DEGS2: variants seen among roughly 807,000 people sequenced by gnomAD.
The protein encoded by DEGS2 is delta 4-desaturase, sphingolipid 2, also known as sphingolipid delta(4)-desaturase/C4-monooxygenase DES2.
DEGS2 carries 19 observed loss-of-function variants against 23.8 expected under a neutral mutation model. That is an observed-to-expected ratio of 0.80 (90% confidence interval 0.56 to 1.17). DEGS2 has a LOEUF of 1.17. Ranked by LOEUF, DEGS2 falls within the 50% of genes most tolerant of loss-of-function variation. DEGS2 has a pLI of 0.00. For synonymous variants in DEGS2, 218 were observed against 213.7 expected (o/e 1.02, Z -0.18); for missense variants, 390 against 459.5 (o/e 0.85, Z 1.38).
At chr14:100,164,143 G>A (rs904427463), upstream of DEGS2, among the ~76,000 whole-genome samples, 143 of 151,974 alleles carry the variant, frequency 9.4e-4, no homozygotes, top group African/African-American at 3.3e-3. Flanking sequence ...ATGTTCCCCA[G>A]GCTGGTCTGG....
Position 100,149,237 on chromosome 14 carries a change from C to T in DEGS2, c.556G>A (p.Glu186Lys). The T allele has an allele frequency of 2.5e-6, 4 of 1,612,816 alleles. No homozygotes were observed. The highest frequency in any genetic ancestry group is 3.4e-6 in the Non-Finnish European group (4 of 1,179,898). Reference protein sequence around the residue: ...CVHPKAVTRMEVLNTLVQLAA... With the variant: ...CVHPKAVTRMKVLNTLVQLAA... ...AGCTGCACCAGCGTGTTGAGCACCT[C>T]CATGCGGGTCACGGCCTTGGGGTGG... is the stretch of plus-strand genomic sequence containing the variant. Residue 186 changes from glutamate to lysine, a missense_variant, in exon 2 of 3, where the codon GAG (glutamate) becomes AAG (lysine). Transcript: ENST00000305631.
chr14:100,149,781 G>T, intron 1 of DEGS2, 71 bp from the exon 2 acceptor site: 5 of 1,476,090 alleles, frequency 3.4e-6, no homozygotes, highest in Non-Finnish European at 4.6e-6. Flanking sequence ...CGCTCCCACT[G>T]CAGTGGCCGA....
chr14:100,158,136 T>TCATGGCC (rs1293824145), intron 1 of DEGS2, among the ~76,000 whole-genome samples: 1 of 147,398 alleles, frequency 6.8e-6, no homozygotes, highest in Admixed American at 6.7e-5. Flanking sequence ...GCGTGGTGGC[T>TCATGGCC]CATGGCCCAT....
At chr14:100,148,548 TGCGAAGGGCAAG>T (rs1181935748) in intron 2 of DEGS2, among the ~76,000 whole-genome samples, 1 of 152,162 alleles carries the variant, frequency 6.6e-6, no homozygotes, top group Non-Finnish European at 1.5e-5. Context: ...CCCCTTGGGC[TGCGAAGGGCAAG>T]GCCCACCCTG....
At chr14:100,165,591 G>C in the DEGS2 span, among the ~76,000 whole-genome samples, 1 of 152,222 alleles carries the variant, frequency 6.6e-6, no homozygotes, top group African/African-American at 2.4e-5. Context: ...GGCCGCGGAC[G>C]GGCGGTGCCC....
the DEGS2 span, among the ~76,000 whole-genome samples, chr14:100,166,465 G>A: frequency 1.3e-5 from 2 of 152,052 alleles, no homozygotes; most frequent in African/African-American, 2.4e-5. Flanking sequence ...CTACCCTCAG[G>A]ACCAGGGGCA....
intron 1 of DEGS2, among the ~76,000 whole-genome samples, chr14:100,156,654 C>T (rs538828391): frequency 6.6e-6 from 1 of 152,282 alleles, no homozygotes; most frequent in Admixed American, 6.5e-5. Flanking sequence ...CCCAAAGAGC[C>T]CAGAGCCCAG....
the DEGS2 span, among the ~76,000 whole-genome samples, chr14:100,165,221 A>G: frequency 6.6e-6 from 1 of 152,128 alleles, no homozygotes; most frequent in Admixed American, 6.5e-5. Flanking sequence ...GGTATCAGAC[A>G]ACTCCGGACA....
intron 1 of DEGS2, among the ~76,000 whole-genome samples, chr14:100,153,269 AG>A (rs1889604938): frequency 1.2e-5 from 1 of 80,712 alleles, no homozygotes; most frequent in Non-Finnish European, 2.8e-5. Flanking sequence ...ATAGATAGAT[AG>A]ATAGATAGAT....
intron 1 of DEGS2, among the ~76,000 whole-genome samples, chr14:100,152,572 C>T (rs1344839070): frequency 6.6e-6 from 1 of 152,206 alleles, no homozygotes; most frequent in Non-Finnish European, 1.5e-5. Flanking sequence ...CCATCCTTCT[C>T]TACTTCTCCC....
Position 100,149,144 on chromosome 14 carries a change from A to G in DEGS2, c.649T>C (p.Phe217Leu), listed in dbSNP as rs1183175337. 1 of 1,613,002 alleles carries G rather than the reference A, an allele frequency of 6.2e-7. No individual in the cohort carries two copies. Among genetic ancestry groups the G allele is most frequent in the African/African-American group, 1.3e-5 (1 of 75,078 alleles). Residue 217 changes from phenylalanine to leucine, a missense_variant, in exon 2 of 3, where the codon TTC (phenylalanine) becomes CTC (leucine). Phe to Leu is a conservative substitution (Grantham distance 22). Coordinates refer to ENST00000305631, the MANE Select transcript of DEGS2 (RefSeq NM_206918.3). ...KPVVYLLASS[F>L]LGLGLHPISG... Reference sequence around the variant, plus strand: ...ATGGGGTGCAGGCCCAGGCCCAGGAAGGAGCTGGCCAGCAGGTAGACCACG... The same window carrying G: ...ATGGGGTGCAGGCCCAGGCCCAGGAGGGAGCTGGCCAGCAGGTAGACCACG...
intron 1 of DEGS2, among the ~76,000 whole-genome samples, chr14:100,150,386 C>CT (rs1889549264): frequency 6.7e-5 from 5 of 74,132 alleles, no homozygotes; most frequent in Admixed American, 5.2e-4. Flanking sequence ...CCCACCCCAA[C>CT]ACCCCCCCCC....
chr14:100,154,972 T>C (rs1333247079), intron 1 of DEGS2, among the ~76,000 whole-genome samples: 4 of 152,090 alleles, frequency 2.6e-5, no homozygotes, highest in African/African-American at 4.8e-5. Flanking sequence ...GGGCCTCTTA[T>C]CTCTTCCACA....
At chr14:100,158,925 C>T (rs1373500375) in intron 1 of DEGS2, among the ~76,000 whole-genome samples, 2 of 152,204 alleles carry the variant, frequency 1.3e-5, no homozygotes, top group African/African-American at 4.8e-5. Context: ...ACGTAATAAG[C>T]GACATGCCAG....
intron 2 of DEGS2, among the ~76,000 whole-genome samples, chr14:100,147,670 C>CA (rs1491424678): frequency 7.8e-6 from 1 of 128,044 alleles, no homozygotes; most frequent in Admixed American, 8.4e-5. Flanking sequence ...CCCCCCCCCC[C>CA]AGGATGCCTT....
At chr14:100,161,340 C>T (rs1217740521), upstream of DEGS2, among the ~76,000 whole-genome samples, 2 of 152,134 alleles carry the variant, frequency 1.3e-5, no homozygotes, top group Non-Finnish European at 2.9e-5. Context: ...GGGGACAAGT[C>T]AGAGGACATG....
At chr14:100,166,010 G>T in the DEGS2 span, among the ~76,000 whole-genome samples, 2 of 50,572 alleles carry the variant, frequency 4.0e-5, no homozygotes, top group East Asian at 6.4e-4. Context: ...CCGGGAGAGT[G>T]GGGGGAGCCT....
Position 100,146,584 on chromosome 14 carries a change from G to A in DEGS2, c.*177C>T, listed in dbSNP as rs1008600907. The A allele has an allele frequency of 2.2e-5, 19 of 881,754 alleles. No individual in the cohort carries two copies. The highest frequency in any genetic ancestry group is 3.6e-4 in the Middle Eastern group (1 of 2,766). 54.6% of individuals were successfully genotyped at this position (881,754 alleles called of 1,614,324 possible). A position where few individuals can be genotyped will look rare whatever the true frequency, so the allele number is the denominator to read the frequency against. ...CACTCAAGGTCCAGGGCAAGTCCAC[G>A]TGCAGACGGAGCCCTGCAGCCCACA... On this transcript the variant is annotated 3_prime_UTR_variant, in exon 3 of 3. Coordinates refer to ENST00000305631, the MANE Select transcript of DEGS2 (RefSeq NM_206918.3).
At chr14:100,163,733 T>A (rs180922374), upstream of DEGS2, among the ~76,000 whole-genome samples, 2 of 152,340 alleles carry the variant, frequency 1.3e-5, no homozygotes, top group African/African-American at 4.8e-5. Flanking sequence ...TTATTATTAC[T>A]TTTTAAAGAT....
Sources: gnomAD v4.1 joint callset for allele counts (sites outside exome capture counted in the v4.1 genomes callset) on GRCh38, gnomAD v4.1.1 for gene constraint, MANE v1.5 for transcripts, NCBI Gene and HGNC (gene_info 2026-07-23, HGNC 2026-07-21) for gene names.